RPL3L: variants seen among roughly 807,000 people sequenced by gnomAD.
RPL3L encodes ribosomal protein L3 like.
RPL3L carries 44 observed loss-of-function variants against 44.5 expected under a neutral mutation model. The ratio of observed to expected loss-of-function variants is 0.99; its 90% CI spans 0.78 to 1.27. The LOEUF is 1.27. Among genes scored for constraint, RPL3L ranks in the 50% most tolerant of loss-of-function variants. RPL3L has a pLI of 0.00. For synonymous variants in RPL3L, 292 were observed against 230.7 expected, an observed-to-expected ratio of 1.27 and a Z score of -2.41; for missense variants, 631 against 569.1, an observed-to-expected ratio of 1.11 and a Z score of -1.11.
intron 1 of RPL3L, 83 bp downstream of exon 1, chr16:1,954,546 G>T: frequency 7.0e-7 from 1 of 1,430,106 alleles, no homozygotes; most frequent in Non-Finnish European, 9.5e-7. Context: ...GTCCCTCTGA[G>T]GGAGCATCCA....
intron 1 of RPL3L, 51 bp downstream of exon 1, chr16:1,954,578 C>G (rs752547105): frequency 9.8e-6 from 15 of 1,527,574 alleles, no homozygotes; most frequent in Non-Finnish European, 1.3e-5. Flanking sequence ...GTCCCACCCC[C>G]CCAGAGTTCC....
chr16:1,950,597 T>G (rs1397073581), intron 4 of RPL3L, among the ~76,000 whole-genome samples: 1 of 152,156 alleles, frequency 6.6e-6, no homozygotes, highest in Non-Finnish European at 1.5e-5. Flanking sequence ...ACCCGGCTCT[T>G]CAGGGCGTGC....
intron 4 of RPL3L, among the ~76,000 whole-genome samples, chr16:1,949,752 G>A (rs1396240500): frequency 4.6e-5 from 5 of 109,790 alleles, no homozygotes; most frequent in East Asian, 2.7e-4. Flanking sequence ...GTATGTACGG[G>A]GCAGGTATGT....
intron 1 of RPL3L, 59 bp downstream of exon 1, chr16:1,954,570 C>T (rs530882327): frequency 4.0e-6 from 6 of 1,489,826 alleles, no homozygotes; most frequent in African/African-American, 1.4e-5. Context: ...GCCCAGCTGT[C>T]CCACCCCCCC....
intron 1 of RPL3L, 86 bp from the exon 2 acceptor site, chr16:1,954,234 G>T (rs2083191764): frequency 1.5e-6 from 2 of 1,314,242 alleles, no homozygotes; most frequent in Non-Finnish European, 2.0e-6. Context: ...CTGGAGAAAT[G>T]GACTACAGGC....
At chr16:1,950,012 G>C (rs1397148117) in intron 4 of RPL3L, among the ~76,000 whole-genome samples, 2 of 140,752 alleles carry the variant, frequency 1.4e-5, no homozygotes, top group Non-Finnish European at 3.1e-5. Flanking sequence ...TAGGGGGCAG[G>C]TATGTAGGGA....
intron 9 of RPL3L, 141 bp from the exon 10 acceptor site, chr16:1,945,034 A>C: frequency 9.3e-7 from 1 of 1,079,386 alleles, no homozygotes; most frequent in Admixed American, 1.9e-5. Context: ...CTTCTAAAGA[A>C]TCAGTGCCCA....
chr16:1,953,932 C>A (rs574054439), intron 2 of RPL3L, 24 bp downstream of exon 2: 8 of 1,478,930 alleles, frequency 5.4e-6, no homozygotes, highest in Non-Finnish European at 7.2e-6. Context: ...TCCCCCTCCC[C>A]CAAGGGTCCC....
chr16:1,949,670 A>G (rs893421434), intron 4 of RPL3L, among the ~76,000 whole-genome samples: 1 of 140,982 alleles, frequency 7.1e-6, no homozygotes, highest in African/African-American at 2.6e-5. Flanking sequence ...ACCCATAGGT[A>G]TGTATGGGGC....
Position 1,954,011 on chromosome 16 carries a change from C to A in RPL3L, c.141G>T (p.Leu47=). 1.2e-6 allele frequency: 2 copies of A among 1,601,442 alleles called. No homozygotes were observed. The highest frequency in any genetic ancestry group is 1.7e-6 in the Non-Finnish European group (2 of 1,173,278). Residue 47 remains leucine, a synonymous_variant, in exon 2 of 10, where the codon CTG becomes CTT. Transcript: ENST00000268661. ...TGTGGGTCATGCCCGCCTTGTAGCC[C>A]AGGAAGGCCGTGAGGTGCACGGGCT... ...PSQPVHLTAF[L]GYKAGMTHTL...
Position 1,952,919 on chromosome 16 carries a change from G to A in RPL3L, c.320C>T (p.Ala107Val). 1 of 1,614,016 alleles carries A rather than the reference G, an allele frequency of 6.2e-7. No homozygotes were observed. The highest frequency in any genetic ancestry group is 8.5e-7 in the Non-Finnish European group (1 of 1,180,008). The change falls in exon 3 of 10, where the codon GCA becomes GTA. Residue 107 changes from alanine (A) to valine (V), a missense_variant. Coordinates refer to ENST00000268661, the MANE Select transcript of RPL3L (RefSeq NM_005061.3). ...RGLRSFKTIF[A>V]EHLSDECRRR... ...CCGGCACTCATCACTGAGGTGTTCT[G>A]CAAAGATGGTCTTGAAGCTCCGGAG... is the stretch of plus-strand genomic sequence containing the variant.
intron 8 of RPL3L, 60 bp downstream of exon 8, chr16:1,945,775 G>A (rs2083116221): frequency 6.2e-7 from 1 of 1,608,434 alleles, no homozygotes; most frequent in African/African-American, 1.3e-5. Context: ...GCAGGCCGCA[G>A]GGCAGGACAG....
chr16:1,951,006 G>T lies in RPL3L; in HGVS notation c.366-27C>A, dbSNP rs1182844475. 1.9e-6 allele frequency: 3 copies of T among 1,610,166 alleles called. No homozygotes were observed. In the African/African-American group the frequency reaches 4.0e-5, roughly 21 times the overall value. On this transcript the variant is annotated intron_variant, in intron 3 of 9. Coordinates refer to ENST00000268661, the MANE Select transcript of RPL3L (RefSeq NM_005061.3). ...TGAGCCATGCACAGGAGGGTGCTCAGAAGCCCCCAACCGGGGCAGCTCCCC... is the reference window on the plus strand; with the variant it reads ...TGAGCCATGCACAGGAGGGTGCTCATAAGCCCCCAACCGGGGCAGCTCCCC...
At chr16:1,953,850 C>T in intron 2 of RPL3L, 106 bp downstream of exon 2, 2 of 1,167,686 alleles carry the variant, frequency 1.7e-6, no homozygotes, top group Non-Finnish European at 2.2e-6. Context: ...AGGCCTGGTG[C>T]TCCCTGGGAC....
intron 6 of RPL3L, 73 bp from the exon 7 acceptor site, chr16:1,946,799 C>T (rs959758456): frequency 1.9e-6 from 3 of 1,591,378 alleles, no homozygotes. Context: ...GCCCATCCGC[C>T]CACATGCTCA....
Position 1,947,007 on chromosome 16 carries a change from G to GGCGGGGTGCCAGGCGCCAAT in RPL3L, c.760_779dup (p.Arg261LeufsTer46), listed in dbSNP as rs764354492. ...CCCGAGCAATGGAGCAGCCCACGCGGGCGGGGTGCCAGGCGCCAATGCAGG... is the reference window on the plus strand; with the variant it reads ...CCCGAGCAATGGAGCAGCCCACGCGGGCGGGGTGCCAGGCGCCAATGCGGGGTGCCAGGCGCCAATGCAGG... On this transcript the variant is annotated frameshift_variant, in exon 6 of 10. Transcript: ENST00000268661. LOFTEE classifies it high-confidence loss of function. 1 of 1,612,102 alleles carries GGCGGGGTGCCAGGCGCCAAT rather than the reference G, an allele frequency of 6.2e-7. No homozygotes were observed. The highest frequency in any genetic ancestry group is 8.5e-7 in the Non-Finnish European group (1 of 1,179,686).
chr16:1,949,547 C>G (rs1380432209), intron 4 of RPL3L, among the ~76,000 whole-genome samples: 1 of 138,124 alleles, frequency 7.2e-6, no homozygotes, highest in African/African-American at 2.8e-5. Context: ...TCCACCATGT[C>G]TGGCTTGATT....
rs374927934 is a variant in RPL3L, at chr16:1,954,032, G to A, written c.120C>T (p.Pro40=). The change falls in exon 2 of 10, where the codon CCC becomes CCT. Residue 40 remains proline (P), a synonymous_variant. Coordinates refer to ENST00000268661, the MANE Select transcript of RPL3L (RefSeq NM_005061.3). ...AGCCCAGGAAGGCCGTGAGGTGCACGGGCTGGCTGGGGTCATCCCGCGGCC... is the reference window on the plus strand; with the variant it reads ...AGCCCAGGAAGGCCGTGAGGTGCACAGGCTGGCTGGGGTCATCCCGCGGCC... ...KTWPRDDPSQ[P]VHLTAFLGYK... The A allele has an allele frequency of 3.2e-5, 52 of 1,606,842 alleles. No homozygotes were observed. Among genetic ancestry groups the A allele is most frequent in the Admixed American group, 1.5e-4 (9 of 59,382 alleles).
In RPL3L at chr16:1,952,971, C is replaced by G. The variant is rs1174768660; in HGVS notation, c.268G>C (p.Val90Leu). ...ETPPLVVVGV[V>L]GYVATPRGLR... Reference sequence around the variant, plus strand: ...CCTCGAGGGGTGGCCACGTAGCCCACCACGCCCACCACCACTAGGGGCGGC... The same window carrying G: ...CCTCGAGGGGTGGCCACGTAGCCCAGCACGCCCACCACCACTAGGGGCGGC... Residue 90 changes from valine to leucine, a missense_variant, in exon 3 of 10, where the codon GTG becomes CTG. Physicochemically the swap from Val to Leu is conservative, Grantham distance 32 (BLOSUM62 1). Transcript: ENST00000268661. The G allele has an allele frequency of 6.2e-7, 1 of 1,613,088 alleles. No homozygotes were observed. The highest frequency in any genetic ancestry group is 8.5e-7 in the Non-Finnish European group (1 of 1,179,684).
Sources: allele counts gnomAD v4.1 joint callset (sites outside exome capture counted in the v4.1 genomes callset), GRCh38; gene constraint gnomAD v4.1.1; transcripts MANE v1.5; gene names NCBI Gene and HGNC (gene_info 2026-07-23, HGNC 2026-07-21).